ZNF462: variants seen among roughly 807,000 people sequenced by gnomAD.
The protein encoded by ZNF462 is zinc finger PBX1-interacting protein.
ZNF462 carries 10 observed loss-of-function variants against 201.9 expected under a neutral mutation model. That is an observed-to-expected ratio of 0.05 (90% CI 0.03 to 0.08). ZNF462 has a LOEUF of 0.08. Among genes scored for constraint, ZNF462 ranks in the 10% least tolerant of loss-of-function variants. The probability of loss-of-function intolerance (pLI) is 1.00; values close to 1 mark genes in which losing one functional copy is unlikely to be tolerated. For missense variants in ZNF462, 2,523 were observed against 3,168.3 expected (o/e 0.80, Z 4.89); for synonymous variants, 1,227 against 1,193.3 (o/e 1.03, Z -0.58).
intron 1 of ZNF462, among the ~76,000 whole-genome samples, chr9:106,910,583 A>G (rs906467703): frequency 6.6e-6 from 1 of 152,080 alleles, no homozygotes; most frequent in African/African-American, 2.4e-5. Context: ...GTTCCTGGGC[A>G]GGACACAGTT....
rs1428949181 is a variant in ZNF462, at chr9:106,929,412, G to A, written c.5500G>A (p.Val1834Met). The part of the protein sequence containing the change: ...EERGNFEKAE[V>M]EGEAQEIEWL... The stretch of plus-strand genomic sequence containing the variant: ...GAGAGGCAACTTTGAGAAAGCCGAG[G>A]TGGAGGGTGAAGCTCAGGAAATCGA... Residue 1834 changes from valine to methionine, a missense_variant, in exon 3 of 13, where the codon GTG becomes ATG. Val to Met is a conservative substitution (Grantham distance 21, BLOSUM62 1). Around this residue, in one of 15 missense-constraint regions of ZNF462, gnomAD observed 207 missense variants for 231.6 expected, o/e 0.89. Coordinates refer to ENST00000277225, the MANE Select transcript of ZNF462 (RefSeq NM_021224.6). The surrounding 1 kb of genome is among the most constrained non-coding windows in gnomAD (Gnocchi z 8.7). 9.3e-6 allele frequency: 15 copies of A among 1,613,980 alleles called. No homozygotes were observed. Among genetic ancestry groups the A allele is most frequent in the Non-Finnish European group, 1.2e-5 (14 of 1,180,048 alleles).
At chr9:106,893,507 T>C (rs909025148) in intron 1 of ZNF462, among the ~76,000 whole-genome samples, 2 of 152,198 alleles carry the variant, frequency 1.3e-5, no homozygotes, top group Admixed American at 6.5e-5. Context: ...TATTTGGTAA[T>C]ATAACAAATG....
intron 1 of ZNF462, among the ~76,000 whole-genome samples, chr9:106,896,224 A>G (rs1038430833): frequency 1.3e-5 from 2 of 152,152 alleles, no homozygotes; most frequent in African/African-American, 2.4e-5. Context: ...TTTTTCTCTC[A>G]CGTCTAGAAC....
Position 106,913,635 on chromosome 9 carries a change from T to TTTTCAGTCTCAGCACTATTGACATTTG in ZNF462, c.-30-9719_-30-9718insTTTCAGTCTCAGCACTATTGACATTTG, listed in dbSNP as rs1564093884. On this transcript the variant is annotated intron_variant, in intron 1 of 12. Transcript: ENST00000277225. This position sits in a 1 kb window ranked among gnomAD's most constrained non-coding sequence, Gnocchi z 4.1. ...TTTTTTTTGAGACAATCTCATTCTGTGACCCAGGCTGGAGTGCAGTGGCAT... is the reference window on the plus strand; with the variant it reads ...TTTTTTTTGAGACAATCTCATTCTGTTTTCAGTCTCAGCACTATTGACATTTGGACCCAGGCTGGAGTGCAGTGGCAT... Among the ~76,000 whole-genome samples the TTTTCAGTCTCAGCACTATTGACATTTG allele has an allele frequency of 2.0e-5, 3 of 151,132 alleles. No individual in the cohort carries two copies. Among genetic ancestry groups the TTTTCAGTCTCAGCACTATTGACATTTG allele is most frequent in the Non-Finnish European group, 4.4e-5 (3 of 67,616 alleles).
At chr9:106,982,401 A>C (rs944798185) in intron 9 of ZNF462, among the ~76,000 whole-genome samples, 1 of 152,182 alleles carries the variant, frequency 6.6e-6, no homozygotes, top group Admixed American at 6.5e-5. Flanking sequence ...AATTTCAATA[A>C]TGCTACTTTT....
In ZNF462 at chr9:106,972,895, G is replaced by A. The variant is rs10978687; in HGVS notation, c.6695+623G>A. ...GAATGCTTCCTATGATGTAATCTAA[G>A]CTTCTGCATTTGAATCTCATCCTGT... On this transcript the variant is annotated intron_variant, in intron 8 of 12. Coordinates refer to ENST00000277225, the MANE Select transcript of ZNF462 (RefSeq NM_021224.6). The surrounding 1 kb of genome is among the most constrained non-coding windows in gnomAD (Gnocchi z 4.8). Among the ~76,000 whole-genome samples, 2,358 of 152,252 alleles carry A rather than the reference G, an allele frequency of 0.015. 30 individuals carry two copies. The highest frequency in any genetic ancestry group is 0.039 in the South Asian group (190 of 4,818).
intron 1 of ZNF462, among the ~76,000 whole-genome samples, chr9:106,891,900 T>C (rs1828594716): frequency 6.6e-6 from 1 of 152,194 alleles, no homozygotes; most frequent in South Asian, 2.1e-4. Flanking sequence ...TAATAATGTT[T>C]AGCTTTCACC....
Position 106,902,667 on chromosome 9 carries a change from A to T in ZNF462, c.-30-20687A>T, listed in dbSNP as rs1318329192. Among the ~76,000 whole-genome samples, 3 of 152,130 alleles carry T rather than the reference A, an allele frequency of 2.0e-5. No individual in the cohort carries two copies. The highest frequency in any genetic ancestry group is 7.2e-5 in the African/African-American group (3 of 41,454). Reference sequence around the variant, plus strand: ...TAAGCTGGGAGGGTTGTATTTTTCCAGGAATTTATCCATCTCTCCTAGGTT... The same window carrying T: ...TAAGCTGGGAGGGTTGTATTTTTCCTGGAATTTATCCATCTCTCCTAGGTT... On this transcript the variant is annotated intron_variant, in intron 1 of 12. Coordinates refer to ENST00000277225, the MANE Select transcript of ZNF462 (RefSeq NM_021224.6). The surrounding 1 kb of genome is among the most constrained non-coding windows in gnomAD (Gnocchi z 4.2).
chr9:106,912,605 T>C (rs1195201493), intron 1 of ZNF462, among the ~76,000 whole-genome samples: 1 of 152,208 alleles, frequency 6.6e-6, no homozygotes, highest in South Asian at 2.1e-4. Context: ...TCTCAAATTA[T>C]GAAATTCAAA....
chr9:106,915,036 C>A (rs935226220), intron 1 of ZNF462, among the ~76,000 whole-genome samples: 1 of 151,940 alleles, frequency 6.6e-6, no homozygotes, highest in Non-Finnish European at 1.5e-5. Context: ...AAAGGTTGAA[C>A]GTCATGATCT....
At chr9:106,887,234 TG>T (rs1828360454) in intron 1 of ZNF462, among the ~76,000 whole-genome samples, 2 of 152,186 alleles carry the variant, frequency 1.3e-5, no homozygotes, top group Non-Finnish European at 2.9e-5. Context: ...TTGTTGGTAT[TG>T]TCTAACCCTG....
At chr9:106,893,157 A>G (rs1455753051) in intron 1 of ZNF462, among the ~76,000 whole-genome samples, 1 of 152,226 alleles carries the variant, frequency 6.6e-6, no homozygotes, top group Non-Finnish European at 1.5e-5. Flanking sequence ...TCTTCACAAC[A>G]CGATGCCAAG....
At chr9:106,910,808 C>T (rs1192458468) in intron 1 of ZNF462, among the ~76,000 whole-genome samples, 2 of 152,088 alleles carry the variant, frequency 1.3e-5, no homozygotes, top group African/African-American at 2.4e-5. Context: ...AGCATATATC[C>T]TTCTTTTGAG....
chr9:106,887,817 T>G (rs1828387777), intron 1 of ZNF462, among the ~76,000 whole-genome samples: 1 of 152,230 alleles, frequency 6.6e-6, no homozygotes, highest in African/African-American at 2.4e-5. Context: ...TTTTGGGTTA[T>G]CGTTACATAG....
At chr9:106,893,905 G>A (rs905638260) in intron 1 of ZNF462, among the ~76,000 whole-genome samples, 6 of 152,186 alleles carry the variant, frequency 3.9e-5, no homozygotes, top group Admixed American at 1.3e-4. Context: ...GTGAAGTGCT[G>A]CCTACAAACC....
rs1828508698 is a variant in ZNF462, at chr9:106,890,047, G to A, written c.-31+26692G>A. 6.6e-6 allele frequency among the ~76,000 whole-genome samples: 1 copy of A among 152,180 alleles called. No homozygotes were observed. Among genetic ancestry groups the A allele is most frequent in the South Asian group, 2.1e-4 (1 of 4,830 alleles). On this transcript the variant is annotated intron_variant, in intron 1 of 12. Coordinates refer to ENST00000277225, the MANE Select transcript of ZNF462 (RefSeq NM_021224.6). The surrounding 1 kb of genome is among the most constrained non-coding windows in gnomAD (Gnocchi z 4.2). ...CCATTTCTTTGTTTTATGCTCTAGT[G>A]TAGAGCTTGACTCCACCTTACTTTC... is the stretch of plus-strand genomic sequence containing the variant.
chr9:106,926,270 G>A lies in ZNF462; in HGVS notation c.2358G>A (p.Gly786=). ...CCCACGATTACAATGCCACCAATGG[G>A]GCTGAGATTGAGCTCACCCTTTCTG... is the stretch of plus-strand genomic sequence containing the variant. ...NITHDYNATN[G]AEIELTLSED... is the part of the protein sequence containing the mutation. The change falls in exon 3 of 13, where the codon GGG becomes GGA. Residue 786 remains glycine, a synonymous_variant. Coordinates refer to ENST00000277225, the MANE Select transcript of ZNF462 (RefSeq NM_021224.6). The surrounding 1 kb of genome is among the most constrained non-coding windows in gnomAD (Gnocchi z 7.9). The A allele has an allele frequency of 6.2e-7, 1 of 1,614,092 alleles. No homozygotes were observed. The highest frequency in any genetic ancestry group is 1.1e-5 in the South Asian group (1 of 91,070).
chr9:106,936,088 G>C (rs1830619325), intron 6 of ZNF462, among the ~76,000 whole-genome samples: 1 of 152,230 alleles, frequency 6.6e-6, no homozygotes, highest in African/African-American at 2.4e-5. Flanking sequence ...ACATAAGACA[G>C]AAATGACTTT....
In ZNF462 at chr9:106,928,915, T is replaced by G. The variant is rs764303370; in HGVS notation, c.5003T>G (p.Phe1668Cys). The change falls in exon 3 of 13, where the codon TTC becomes TGC. Residue 1668 changes from phenylalanine (F) to cysteine (C), a missense_variant. Phe to Cys is a radical substitution (Grantham distance 205). Coordinates refer to ENST00000277225, the MANE Select transcript of ZNF462 (RefSeq NM_021224.6). The surrounding 1 kb of genome is among the most constrained non-coding windows in gnomAD (Gnocchi z 9.3). ...TVFRCQLCKY[F>C]CSTRKGIARH... ...TTCCGGTGCCAGCTCTGCAAGTACT[T>G]CTGCTCCACGAGGAAGGGGATCGCC... 1.1e-5 allele frequency: 18 copies of G among 1,614,030 alleles called. No homozygotes were observed. Among genetic ancestry groups the G allele is most frequent in the Non-Finnish European group, 1.5e-5 (18 of 1,180,012 alleles).
Sources: allele counts gnomAD v4.1 joint callset (sites outside exome capture counted in the v4.1 genomes callset), GRCh38; gene constraint gnomAD v4.1.1; regional missense constraint gnomAD v4.1.1; non-coding constraint Gnocchi (gnomAD v3.1); transcripts MANE v1.5; gene names NCBI Gene and HGNC (gene_info 2026-07-23, HGNC 2026-07-21).